SPON1: variants seen among roughly 807,000 people sequenced by gnomAD.
The protein encoded by SPON1 is spondin 1.
In SPON1, 52 loss-of-function variants were observed where a neutral mutation model predicts 111.7. That is an observed-to-expected ratio of 0.47 (90% CI 0.37 to 0.59). The LOEUF is 0.59. Among genes scored for constraint, SPON1 ranks in the 20% least tolerant of loss-of-function variants. SPON1 has a pLI of 0.00. For synonymous variants in SPON1, 410 were observed against 395.8 expected (o/e 1.04, Z -0.43); for missense variants, 957 against 1,068.5 (o/e 0.90, Z 1.46).
intron 6 of SPON1, among the ~76,000 whole-genome samples, chr11:14,232,875 G>T (rs923138893): frequency 6.6e-6 from 1 of 152,124 alleles, no homozygotes; most frequent in Non-Finnish European, 1.5e-5. Flanking sequence ...GGGCAGCGGC[G>T]GCAGCAGTGA....
chr11:14,037,948 T>C (rs910480346), intron 2 of SPON1, among the ~76,000 whole-genome samples: 3 of 152,112 alleles, frequency 2.0e-5, no homozygotes, highest in Non-Finnish European at 4.4e-5. Context: ...GGCGGATCAC[T>C]TGAGGTCAGG....
At chr11:13,996,795 T>A (rs1366290059) in intron 2 of SPON1, among the ~76,000 whole-genome samples, 1 of 152,166 alleles carries the variant, frequency 6.6e-6, no homozygotes, top group African/African-American at 2.4e-5. Flanking sequence ...TTTTATATCC[T>A]GTTTTATTTT....
intron 2 of SPON1, among the ~76,000 whole-genome samples, chr11:14,012,556 G>T (rs1349246559): frequency 6.6e-6 from 1 of 152,126 alleles, no homozygotes; most frequent in African/African-American, 2.4e-5. Context: ...ATCACATACT[G>T]CAGCCTTCTA....
intron 6 of SPON1, among the ~76,000 whole-genome samples, chr11:14,161,277 C>CTGTA (rs1847959100): frequency 2.2e-4 from 4 of 18,394 alleles, no homozygotes; most frequent in African/African-American, 6.1e-4. Context: ...ATCTGTATAT[C>CTGTA]TATATATATT....
intron 6 of SPON1, among the ~76,000 whole-genome samples, chr11:14,163,235 T>C (rs1447754743): frequency 2.0e-5 from 3 of 152,208 alleles, no homozygotes; most frequent in Admixed American, 6.5e-5. Context: ...GCTATTATTA[T>C]CCACATTTTG....
intron 6 of SPON1, among the ~76,000 whole-genome samples, chr11:14,197,611 T>C (rs1321885367): frequency 6.7e-6 from 1 of 149,630 alleles, no homozygotes; most frequent in Non-Finnish European, 1.5e-5. Context: ...AAGACCATTC[T>C]GGCTAATGCA....
chr11:14,091,565 G>C (rs1204243491), intron 5 of SPON1, among the ~76,000 whole-genome samples: 1 of 152,186 alleles, frequency 6.6e-6, no homozygotes, highest in Non-Finnish European at 1.5e-5. Flanking sequence ...GCAGCCACTG[G>C]CCCGGGTGCT....
chr11:14,128,813 C>T (rs1554927261), intron 5 of SPON1, among the ~76,000 whole-genome samples: 11 of 152,256 alleles, frequency 7.2e-5, no homozygotes, highest in Non-Finnish European at 5.9e-5. Context: ...GCAGAGGTCC[C>T]CAAACCTCAA....
intron 5 of SPON1, among the ~76,000 whole-genome samples, chr11:14,115,187 G>A (rs528428693): frequency 1.3e-5 from 2 of 152,242 alleles, no homozygotes; most frequent in East Asian, 3.9e-4. Flanking sequence ...CAAGCATAGG[G>A]TAGGCCAGAG....
intron 5 of SPON1, among the ~76,000 whole-genome samples, chr11:14,125,491 C>G (rs1391995300): frequency 3.3e-5 from 5 of 152,058 alleles, no homozygotes; most frequent in Non-Finnish European, 5.9e-5. Flanking sequence ...TCCATAAGGG[C>G]CCAATCAGGG....
At chr11:14,206,030 C>A (rs537704657) in intron 6 of SPON1, among the ~76,000 whole-genome samples, 1 of 152,152 alleles carries the variant, frequency 6.6e-6, no homozygotes, top group African/African-American at 2.4e-5. Flanking sequence ...CCTCTAAAAC[C>A]GTTTTCATTT....
At chr11:14,258,206 A>G (rs781842479) in intron 11 of SPON1, among the ~76,000 whole-genome samples, 1 of 152,188 alleles carries the variant, frequency 6.6e-6, no homozygotes, top group Non-Finnish European at 1.5e-5. Context: ...CTTAACTCCA[A>G]TCTCTTCTTA....
intron 3 of SPON1, among the ~76,000 whole-genome samples, chr11:14,051,546 A>AG (rs1848707713): frequency 6.6e-6 from 1 of 151,926 alleles, no homozygotes; most frequent in African/African-American, 2.4e-5. Flanking sequence ...AAAAAAAAAA[A>AG]AAAGAGAGAC....
At chr11:14,107,590 G>GAAAAAAAAAAAA (rs3047369) in intron 5 of SPON1, among the ~76,000 whole-genome samples, 7 of 119,264 alleles carry the variant, frequency 5.9e-5, no homozygotes, top group Non-Finnish European at 1.1e-4. Flanking sequence ...AGATCCTCAG[G>GAAAAAAAAAAAA]AAAAAAAAAA....
chr11:13,978,861 G>A (rs1848122878), intron 1 of SPON1, among the ~76,000 whole-genome samples: 1 of 152,168 alleles, frequency 6.6e-6, no homozygotes, highest in African/African-American at 2.4e-5. Flanking sequence ...ATGTAGTATG[G>A]CAGGGGAATG....
intron 5 of SPON1, among the ~76,000 whole-genome samples, chr11:14,090,087 C>G (rs1046697280): frequency 6.6e-6 from 1 of 152,004 alleles, no homozygotes; most frequent in East Asian, 1.9e-4. Context: ...CTGGGCTCCA[C>G]GGGAATGGGA....
At chr11:14,021,498 G>A (rs1361611900) in intron 2 of SPON1, among the ~76,000 whole-genome samples, 3 of 152,128 alleles carry the variant, frequency 2.0e-5, no homozygotes, top group Non-Finnish European at 4.4e-5. Flanking sequence ...CAAAACCTGA[G>A]GAAGAAGAGG....
Position 13,962,806 on chromosome 11 carries a change from G to A in SPON1, c.-99G>A. 8.6e-7 allele frequency: 1 copy of A among 1,166,832 alleles called. No individual in the cohort carries two copies. The highest frequency in any genetic ancestry group is 1.1e-6 in the Non-Finnish European group (1 of 878,914). The allele number at this position is 1,166,832 out of a possible 1,614,324, so 72.3% of individuals were successfully genotyped here. On this transcript the variant is annotated 5_prime_UTR_variant, in exon 1 of 16. Coordinates refer to ENST00000576479, the MANE Select transcript of SPON1 (RefSeq NM_006108.4). ...CGCCAGCTCCGAGCTCCCTCTCTCC[G>A]CCGCGCCTCCGCCAGGTCGCGCCTT... is the stretch of plus-strand genomic sequence containing the variant.
intron 2 of SPON1, among the ~76,000 whole-genome samples, chr11:14,007,309 A>C (rs190759069): frequency 3.0e-4 from 45 of 152,304 alleles, no homozygotes; most frequent in African/African-American, 1.1e-3. Flanking sequence ...AACTCACACA[A>C]TCACAGGGTC....
Sources: gnomAD v4.1 joint callset for allele counts (sites outside exome capture counted in the v4.1 genomes callset) on GRCh38, gnomAD v4.1.1 for gene constraint, MANE v1.5 for transcripts, NCBI Gene and HGNC (gene_info 2026-07-23, HGNC 2026-07-21) for gene names.